The following NKAIN2 variants were observed in gnomAD, a reference collection of about 807,000 sequenced individuals.
NKAIN2 encodes the protein sodium/potassium transporting ATPase interacting 2, also known as sodium/potassium-transporting ATPase subunit beta-1-interacting protein 2.
Under a neutral mutation model 32.6 loss-of-function variants are expected in NKAIN2, and 14 were observed. The observed-to-expected ratio is 0.43, with a 90% CI of 0.28 to 0.67. NKAIN2 has a LOEUF of 0.67. Ranked by LOEUF, NKAIN2 falls within the 30% of genes least tolerant of loss-of-function variation. NKAIN2 has a pLI of 0.17. For missense variants in NKAIN2, 198 were observed against 258.3 expected, an observed-to-expected ratio of 0.77 and a Z score of 1.60; for synonymous variants, 80 against 87.2, an observed-to-expected ratio of 0.92 and a Z score of 0.46.
intron 1 of NKAIN2, among the ~76,000 whole-genome samples, chr6:123,970,581 G>A (rs959484917): frequency 6.6e-6 from 1 of 151,974 alleles, no homozygotes; most frequent in Non-Finnish European, 1.5e-5. Flanking sequence ...TTGTTCTTTA[G>A]AAATATTTAT....
chr6:124,241,081 A>G (rs1388737113), intron 1 of NKAIN2, among the ~76,000 whole-genome samples: 1 of 152,210 alleles, frequency 6.6e-6, no homozygotes, highest in African/African-American at 2.4e-5. Flanking sequence ...AATGACAAGC[A>G]TTCCTATACA....
At chr6:124,819,960 ACAT>A (rs1781325128) in intron 6 of NKAIN2, among the ~76,000 whole-genome samples, 2 of 152,304 alleles carry the variant, frequency 1.3e-5, no homozygotes, top group African/African-American at 2.4e-5. Context: ...TTGACAACAA[ACAT>A]CATCTTTTTT....
rs768143256 is a variant in NKAIN2, at chr6:124,194,850, C to T, written c.55-88155C>T. 3.9e-5 allele frequency among the ~76,000 whole-genome samples: 6 copies of T among 151,964 alleles called. 1 individual carries two copies. Among genetic ancestry groups the T allele is most frequent in the Admixed American group, 6.6e-5 (1 of 15,266 alleles). On this transcript the variant is annotated intron_variant, in intron 1 of 6. Transcript: ENST00000368417. The stretch of plus-strand genomic sequence containing the variant: ...ATGCCATGGACTGGAATAGGGTGCA[C>T]TAAAGGATAAAAGGCAAGAATTCTT...
intron 1 of NKAIN2, among the ~76,000 whole-genome samples, chr6:124,152,935 A>G (rs1156861526): frequency 6.6e-6 from 1 of 151,928 alleles, no homozygotes; most frequent in African/African-American, 2.4e-5. Context: ...TCACATGTAA[A>G]TGGGAGCTAA....
chr6:124,341,438 A>G (rs1429874683), intron 2 of NKAIN2, among the ~76,000 whole-genome samples: 1 of 152,198 alleles, frequency 6.6e-6, no homozygotes, highest in Non-Finnish European at 1.5e-5. Context: ...AATGATACAG[A>G]TGATTACATT....
intron 3 of NKAIN2, among the ~76,000 whole-genome samples, chr6:124,588,732 C>A (rs1280763214): frequency 6.6e-6 from 1 of 152,136 alleles, no homozygotes; most frequent in African/African-American, 2.4e-5. Context: ...CTATTACATG[C>A]ATCACAGACT....
intron 4 of NKAIN2, among the ~76,000 whole-genome samples, chr6:124,672,635 T>C (rs1773161712): frequency 6.6e-6 from 1 of 152,102 alleles, no homozygotes; most frequent in African/African-American, 2.4e-5. Flanking sequence ...CAGATATTCT[T>C]TGGGGCTCTC....
In NKAIN2 at chr6:124,123,457, T is replaced by G. The variant is rs186230017; in HGVS notation, c.55-159548T>G. 1.4e-4 allele frequency among the ~76,000 whole-genome samples: 21 copies of G among 152,310 alleles called. No individual in the cohort carries two copies. The East Asian group carries it at 3.3e-3, about 24-fold the overall frequency. On this transcript the variant is annotated intron_variant, in intron 1 of 6. Coordinates refer to ENST00000368417, the MANE Select transcript of NKAIN2 (RefSeq NM_001040214.3). ...TCCCAGAGACAGTATTCTTTTTTCA[T>G]ACTATTTTTTGGTGATTTTCCTTTT...
At chr6:124,055,360 T>C (rs1782596044) in intron 1 of NKAIN2, among the ~76,000 whole-genome samples, 1 of 152,074 alleles carries the variant, frequency 6.6e-6, no homozygotes, top group Admixed American at 6.6e-5. Context: ...ATCTTTTAAA[T>C]AAGAAAAACA....
intron 1 of NKAIN2, among the ~76,000 whole-genome samples, chr6:124,100,063 A>G (rs905968967): frequency 6.6e-6 from 1 of 152,214 alleles, no homozygotes; most frequent in Non-Finnish European, 1.5e-5. Context: ...GTGCAAGTTA[A>G]GGAAATGTTC....
chr6:124,056,228 A>T (rs1453575766), intron 1 of NKAIN2, among the ~76,000 whole-genome samples: 1 of 151,100 alleles, frequency 6.6e-6, no homozygotes, highest in African/African-American at 2.4e-5. Flanking sequence ...AGTGCCTTTA[A>T]TTGAGAGAGG....
At chr6:124,455,901 T>C (rs541632241) in intron 3 of NKAIN2, among the ~76,000 whole-genome samples, 31 of 152,086 alleles carry the variant, frequency 2.0e-4, no homozygotes, top group African/African-American at 7.0e-4. Flanking sequence ...TCCTTAATTA[T>C]CTGCAAATAA....
At chr6:124,116,617 A>T (rs932173851) in intron 1 of NKAIN2, among the ~76,000 whole-genome samples, 1 of 152,098 alleles carries the variant, frequency 6.6e-6, no homozygotes, top group African/African-American at 2.4e-5. Flanking sequence ...TTTTGTGTGA[A>T]TATGCACCAG....
intron 3 of NKAIN2, among the ~76,000 whole-genome samples, chr6:124,399,073 C>T (rs116480179): frequency 0.014 from 2,096 of 152,068 alleles, 41 homozygotes; most frequent in African/African-American, 0.048. Context: ...ATTACAGGCA[C>T]GCACCCCCAC....
At chr6:124,689,999 G>C (rs140985182) in intron 4 of NKAIN2, among the ~76,000 whole-genome samples, 1 of 151,994 alleles carries the variant, frequency 6.6e-6, no homozygotes, top group East Asian at 1.9e-4. Flanking sequence ...ATAATGTGCT[G>C]GCATTTCTAT....
chr6:124,279,830 A>T (rs945771914), intron 1 of NKAIN2, among the ~76,000 whole-genome samples: 4 of 152,182 alleles, frequency 2.6e-5, no homozygotes, highest in Non-Finnish European at 5.9e-5. Flanking sequence ...AAGAAAAAAA[A>T]TAATGTGATT....
intron 1 of NKAIN2, among the ~76,000 whole-genome samples, chr6:124,160,979 G>A (rs1788247377): frequency 6.6e-6 from 1 of 152,126 alleles, no homozygotes; most frequent in Non-Finnish European, 1.5e-5. Context: ...TATAGATTGT[G>A]AACTGGAGCA....
At chr6:124,677,368 A>G (rs1450893398) in intron 4 of NKAIN2, among the ~76,000 whole-genome samples, 2 of 152,056 alleles carry the variant, frequency 1.3e-5, no homozygotes. Flanking sequence ...AGGGCTTACT[A>G]TTGCCATTTT....
intron 1 of NKAIN2, among the ~76,000 whole-genome samples, chr6:124,075,505 A>C (rs2114891879): frequency 6.6e-6 from 1 of 152,318 alleles, no homozygotes; most frequent in Admixed American, 6.5e-5. Context: ...CAAGATCTGC[A>C]ATCACCCAAG....
Sources: allele counts gnomAD v4.1 joint callset (sites outside exome capture counted in the v4.1 genomes callset), GRCh38; gene constraint gnomAD v4.1.1; transcripts MANE v1.5; gene names NCBI Gene and HGNC (gene_info 2026-07-23, HGNC 2026-07-21).